Variants in CNOT6L observed in about 807,000 individuals in gnomAD.
CNOT6L encodes the protein CCR4-NOT transcription complex subunit 6-like.
Under a neutral mutation model 64.0 loss-of-function variants are expected in CNOT6L, and 7 were observed. That is an observed-to-expected ratio of 0.11 (90% CI 0.06 to 0.21). CNOT6L has a LOEUF of 0.21. Ranked by LOEUF, CNOT6L falls within the 10% of genes least tolerant of loss-of-function variation. The probability of loss-of-function intolerance (pLI) is 1.00; values close to 1 mark genes in which losing one functional copy is unlikely to be tolerated. For synonymous variants in CNOT6L, 193 were observed against 243.4 expected (o/e 0.79, Z 1.93); for missense variants, 245 against 669.0 (o/e 0.37, Z 6.99).
rs1720802441 is a variant in CNOT6L at position 77,716,905 on chromosome 4, G to A, written c.*3526C>T. On this transcript the variant is annotated 3_prime_UTR_variant, in exon 12 of 12. Coordinates refer to ENST00000504123, the MANE Select transcript of CNOT6L (RefSeq NM_144571.3). ...AGAGCTTGGAACAAGGCAAATGGGA[G>A]GGGAGGAAAAGCTGGTCTCAGAACC... 6.6e-6 allele frequency: 1 copy of A among 152,506 alleles called. No individual in the cohort carries two copies. Among genetic ancestry groups the A allele is most frequent in the Admixed American group, 6.6e-5 (1 of 15,238 alleles). 9.4% of individuals were successfully genotyped at this position (152,506 alleles called of 1,614,324 possible).
chr4:77,790,920 A>G (rs1459669285), intron 1 of CNOT6L, among the ~76,000 whole-genome samples: 1 of 150,356 alleles, frequency 6.7e-6, no homozygotes, highest in East Asian at 2.0e-4. Flanking sequence ...TCGGCTTTCC[A>G]AAGTGCTGGG....
upstream of CNOT6L, among the ~76,000 whole-genome samples, chr4:77,820,051 TGCCGCCGCTGCGGGG>T (rs1406267346): frequency 1.3e-5 from 2 of 152,150 alleles, no homozygotes; most frequent in Non-Finnish European, 2.9e-5. Context: ...GTGCTGGGGC[TGCCGCCGCTGCGGGG>T]GTTGCCGCTG....
intron 1 of CNOT6L, among the ~76,000 whole-genome samples, chr4:77,782,172 T>C (rs188463586): frequency 2.0e-4 from 31 of 152,310 alleles, no homozygotes; most frequent in Admixed American, 1.4e-3. Flanking sequence ...TTTTGTGTCT[T>C]ACTACATACT....
At chr4:77,779,401 T>A (rs1357220880) in intron 1 of CNOT6L, among the ~76,000 whole-genome samples, 2 of 152,162 alleles carry the variant, frequency 1.3e-5, no homozygotes, top group East Asian at 3.8e-4. Flanking sequence ...ATTTTTAAAA[T>A]CTAAATAGAA....
intron 1 of CNOT6L, among the ~76,000 whole-genome samples, chr4:77,799,829 C>A (rs182751270): frequency 8.7e-4 from 132 of 151,284 alleles, no homozygotes; most frequent in African/African-American, 3.0e-3. Context: ...TTCAAAGTAA[C>A]AAATCCTCTA....
Position 77,729,098 on chromosome 4 carries a change from C to G in CNOT6L, c.1025-17G>C, listed in dbSNP as rs1379680328. 4 of 1,582,866 alleles carry G rather than the reference C, an allele frequency of 2.5e-6. No individual in the cohort carries two copies. Among genetic ancestry groups the G allele is most frequent in the Non-Finnish European group, 2.6e-6 (3 of 1,154,224 alleles). ...GCTTCATACCTAAATTTAAACATTA[C>G]AAAAAGAAGACAAAGTTATGCTTTA... On this transcript the variant is annotated splice_polypyrimidine_tract_variant and intron_variant, in intron 9 of 11. Coordinates refer to ENST00000504123, the MANE Select transcript of CNOT6L (RefSeq NM_144571.3).
At chr4:77,781,253 C>G (rs950616559) in intron 1 of CNOT6L, among the ~76,000 whole-genome samples, 1 of 152,118 alleles carries the variant, frequency 6.6e-6, no homozygotes, top group East Asian at 1.9e-4. Context: ...ACCTAGATGA[C>G]GGGTTGATAG....
At chr4:77,805,761 T>C (rs1280998663) in intron 1 of CNOT6L, among the ~76,000 whole-genome samples, 2 of 152,216 alleles carry the variant, frequency 1.3e-5, no homozygotes, top group African/African-American at 4.8e-5. Flanking sequence ...TCATTCTACA[T>C]TGGATTCACA....
At chr4:77,811,213 G>A (rs1232636032) in intron 1 of CNOT6L, among the ~76,000 whole-genome samples, 2 of 152,136 alleles carry the variant, frequency 1.3e-5, no homozygotes, top group Non-Finnish European at 2.9e-5. Flanking sequence ...AAAAGATTAA[G>A]TGCTCTCCAA....
rs1057476777 is a variant in CNOT6L at position 77,805,338 on chromosome 4, T to C, written c.5+13966A>G. Among the ~76,000 whole-genome samples, 11 of 152,008 alleles carry C rather than the reference T, an allele frequency of 7.2e-5. No homozygotes were observed. In the East Asian group the frequency reaches 1.4e-3, roughly 19 times the overall value. ...GAAAAGTACATTACTATGACAAAAATACACAGAAGAAGAGTAAAACAGGAG... is the reference window on the plus strand; with the variant it reads ...GAAAAGTACATTACTATGACAAAAACACACAGAAGAAGAGTAAAACAGGAG... On this transcript the variant is annotated intron_variant, in intron 1 of 11. Transcript: ENST00000504123.
intron 1 of CNOT6L, among the ~76,000 whole-genome samples, chr4:77,781,367 AAAAAAT>A (rs1190524460): frequency 6.6e-6 from 1 of 152,214 alleles, no homozygotes; most frequent in Non-Finnish European, 1.5e-5. Context: ...CATTAAAAAT[AAAAAAT>A]ATTTAATGTA....
chr4:77,818,189 C>CA lies in CNOT6L; in HGVS notation c.5+1114dup, dbSNP rs560664320. 8.5e-5 allele frequency among the ~76,000 whole-genome samples: 13 copies of CA among 152,294 alleles called. No homozygotes were observed. In the East Asian group the frequency reaches 2.5e-3, roughly 29 times the overall value. ...TGTAACACTGTGCTTCCAATGTGTA[C>CA]AAACGGCTCAGCTAAACTCCCTGAA... On this transcript the variant is annotated intron_variant, in intron 1 of 11. Coordinates refer to ENST00000504123, the MANE Select transcript of CNOT6L (RefSeq NM_144571.3).
chr4:77,750,323 A>C (rs886840631), intron 5 of CNOT6L, among the ~76,000 whole-genome samples: 2 of 152,174 alleles, frequency 1.3e-5, no homozygotes, highest in Admixed American at 6.5e-5. Flanking sequence ...TTACAAAAGG[A>C]TAATATATTC....
intron 1 of CNOT6L, among the ~76,000 whole-genome samples, chr4:77,792,705 GAC>G (rs1194075504): frequency 7.3e-6 from 1 of 137,252 alleles, no homozygotes; most frequent in African/African-American, 2.7e-5. Context: ...CAGCCTGGGT[GAC>G]AGAGTAAGAC....
chr4:77,728,295 A>G (rs1355185253), intron 10 of CNOT6L, among the ~76,000 whole-genome samples: 1 of 152,166 alleles, frequency 6.6e-6, no homozygotes, highest in East Asian at 1.9e-4. Context: ...CCTTCAGATC[A>G]CCCTTCTGCA....
intron 1 of CNOT6L, among the ~76,000 whole-genome samples, chr4:77,778,343 A>G (rs1728385186): frequency 6.6e-6 from 1 of 152,200 alleles, no homozygotes; most frequent in Admixed American, 6.5e-5. Context: ...TTCATTACCT[A>G]CAATGAGAAT....
intron 8 of CNOT6L, among the ~76,000 whole-genome samples, chr4:77,733,433 G>T (rs909796972): frequency 2.0e-5 from 3 of 152,054 alleles, no homozygotes; most frequent in Non-Finnish European, 4.4e-5. Flanking sequence ...ACACGTTAAT[G>T]ATTTCCAAAA....
intron 1 of CNOT6L, among the ~76,000 whole-genome samples, chr4:77,777,392 A>G (rs980246999): frequency 6.6e-6 from 1 of 152,224 alleles, no homozygotes; most frequent in Non-Finnish European, 1.5e-5. Flanking sequence ...TCTTCCTGCT[A>G]TAACTGCCAA....
At chr4:77,787,723 C>A (rs1246287651) in intron 1 of CNOT6L, among the ~76,000 whole-genome samples, 1 of 152,180 alleles carries the variant, frequency 6.6e-6, no homozygotes, top group Non-Finnish European at 1.5e-5. Context: ...ATGATGATGA[C>A]AATGATCACC....
Sources: gnomAD v4.1 joint callset for allele counts (sites outside exome capture counted in the v4.1 genomes callset) on GRCh38, gnomAD v4.1.1 for gene constraint, MANE v1.5 for transcripts, NCBI Gene and HGNC (gene_info 2026-07-23, HGNC 2026-07-21) for gene names.